Variants in EVA1C observed in about 807,000 individuals in gnomAD.
EVA1C encodes eva-1 homolog C.
In EVA1C, 25 loss-of-function variants were observed where a neutral mutation model predicts 45.4. The ratio of observed to expected loss-of-function variants is 0.55; its 90% CI spans 0.40 to 0.77. The LOEUF (loss-of-function observed/expected upper bound fraction) is 0.77. EVA1C is among the 30% of genes least tolerant of loss of function. EVA1C has a pLI of 0.00. For missense variants in EVA1C, 479 were observed against 554.8 expected (o/e 0.86, Z 1.37); for synonymous variants, 190 against 221.2 (o/e 0.86, Z 1.25).
rs751284663 is a variant in EVA1C at position 32,457,635 on chromosome 21, C to T, written c.396C>T (p.His132=). The T allele has an allele frequency of 1.9e-6, 3 of 1,614,200 alleles. No individual in the cohort carries two copies. The highest frequency in any genetic ancestry group is 2.5e-6 in the Non-Finnish European group (3 of 1,180,016). Residue 132 remains histidine (H), a synonymous_variant, in exon 3 of 8, where the codon CAC becomes CAT. Coordinates refer to ENST00000300255, the MANE Select transcript of EVA1C (RefSeq NM_058187.5). ...AATGCCAGAACCAGCGGGCCTGCCA[C>T]CTCCTGGTCAATAGCCGTGTTTTTG... ...LDECQNQRAC[H]LLVNSRVFGP...
At chr21:32,495,265 C>G (rs2037312912) in intron 5 of EVA1C, 95 bp downstream of exon 5, 3 of 1,287,430 alleles carry the variant, frequency 2.3e-6, no homozygotes, top group East Asian at 4.8e-5. Flanking sequence ...CCAGAACAAG[C>G]CAAACACTGC....
chr21:32,460,201 C>T (rs1027936510), intron 3 of EVA1C, among the ~76,000 whole-genome samples: 1 of 152,128 alleles, frequency 6.6e-6, no homozygotes, highest in South Asian at 2.1e-4. Flanking sequence ...TGTCCACACC[C>T]CCTCCAGGGT....
At chr21:32,463,853 G>A (rs2036086442) in intron 3 of EVA1C, among the ~76,000 whole-genome samples, 1 of 151,878 alleles carries the variant, frequency 6.6e-6, no homozygotes, top group African/African-American at 2.4e-5. Context: ...TTTTTGTCCT[G>A]CCTTCTCCCA....
intron 1 of EVA1C, among the ~76,000 whole-genome samples, chr21:32,440,205 A>G (rs1250038819): frequency 6.6e-6 from 1 of 152,218 alleles, no homozygotes; most frequent in African/African-American, 2.4e-5. Context: ...TATAGATTTC[A>G]TATCTGAGTT....
chr21:32,486,509 G>A (rs2036977822), intron 4 of EVA1C, among the ~76,000 whole-genome samples: 1 of 152,044 alleles, frequency 6.6e-6, no homozygotes, highest in African/African-American at 2.4e-5. Flanking sequence ...GCCCCTGTGA[G>A]GTATTTCTGA....
chr21:32,508,853 C>A (rs1191412712), intron 7 of EVA1C, among the ~76,000 whole-genome samples: 1 of 152,192 alleles, frequency 6.6e-6, no homozygotes, highest in African/African-American at 2.4e-5. Flanking sequence ...GCCATAGGTC[C>A]CCCTTCAGAG....
intron 6 of EVA1C, 105 bp from the exon 7 acceptor site, chr21:32,503,819 CTT>C (rs1228956994): frequency 4.3e-6 from 3 of 692,832 alleles, no homozygotes; most frequent in African/African-American, 1.8e-5. Context: ...ATTTCTGTGA[CTT>C]TTAATTATTC....
At chr21:32,418,999 T>A (rs552811983) in intron 1 of EVA1C, among the ~76,000 whole-genome samples, 5 of 152,350 alleles carry the variant, frequency 3.3e-5, no homozygotes, top group African/African-American at 1.2e-4. Flanking sequence ...AAGTTTTGCT[T>A]ATAATTAACA....
rs963297292 is a variant in EVA1C, at chr21:32,442,239, T to C, written c.161-11073T>C. ...ACTTAAGAGTTGTCATAGCTATCCT[T>C]GGTCATCCCTAACTTGGGAGCCTCC... is the stretch of plus-strand genomic sequence containing the variant. On this transcript the variant is annotated intron_variant, in intron 1 of 7. Transcript: ENST00000300255. Among the ~76,000 whole-genome samples, 6 of 152,338 alleles carry C rather than the reference T, an allele frequency of 3.9e-5. No homozygotes were observed. In the East Asian group the frequency reaches 1.2e-3, roughly 29 times the overall value.
At chr21:32,507,571 CAT>C (rs1359125247) in intron 7 of EVA1C, among the ~76,000 whole-genome samples, 1 of 144,490 alleles carries the variant, frequency 6.9e-6, no homozygotes, top group Non-Finnish European at 1.5e-5. Flanking sequence ...TTTGTGTGTG[CAT>C]GTGTATATGT....
chr21:32,497,168 A>G, intron 5 of EVA1C: 2 of 796,818 alleles, frequency 2.5e-6, no homozygotes, highest in South Asian at 2.7e-5. Flanking sequence ...CTATCCACTG[A>G]AGATAGTATT....
chr21:32,491,942 G>A (rs1008196575), intron 4 of EVA1C, among the ~76,000 whole-genome samples: 14 of 152,160 alleles, frequency 9.2e-5, no homozygotes, highest in Non-Finnish European at 1.5e-4. Flanking sequence ...TCCTGGCCTC[G>A]GCTCTCAGTG....
intron 1 of EVA1C, among the ~76,000 whole-genome samples, chr21:32,446,700 G>A (rs780698171): frequency 6.6e-6 from 1 of 152,090 alleles, no homozygotes; most frequent in Non-Finnish European, 1.5e-5. Flanking sequence ...TTGGCAGCTG[G>A]CTCCTGCTCC....
chr21:32,455,235 C>T (rs914828904), intron 2 of EVA1C, among the ~76,000 whole-genome samples: 2 of 151,830 alleles, frequency 1.3e-5, no homozygotes, highest in Non-Finnish European at 2.9e-5. Flanking sequence ...ATGGAAGGGG[C>T]AAGAGAAGGA....
chr21:32,482,246 A>G (rs373882193), intron 4 of EVA1C, among the ~76,000 whole-genome samples: 30 of 152,328 alleles, frequency 2.0e-4, no homozygotes, highest in African/African-American at 7.2e-4. Context: ...GATTTTTCAC[A>G]CAAGCTTAGA....
intron 1 of EVA1C, among the ~76,000 whole-genome samples, chr21:32,449,130 T>C (rs1568894531): frequency 2.0e-5 from 3 of 152,048 alleles, no homozygotes; most frequent in African/African-American, 7.2e-5. Context: ...GCCACACACA[T>C]ACACACACAC....
chr21:32,427,915 T>A (rs2034554372), intron 1 of EVA1C, among the ~76,000 whole-genome samples: 1 of 151,876 alleles, frequency 6.6e-6, no homozygotes, highest in Admixed American at 6.6e-5. Context: ...GTTTCTCTTT[T>A]CCTAGTTGTT....
intron 1 of EVA1C, among the ~76,000 whole-genome samples, chr21:32,450,670 AG>A (rs2035547962): frequency 6.6e-6 from 1 of 151,994 alleles, no homozygotes; most frequent in South Asian, 2.1e-4. Flanking sequence ...GGCTCATGAC[AG>A]GGTGCTGAGA....
chr21:32,489,836 T>C (rs2037095542), intron 4 of EVA1C, among the ~76,000 whole-genome samples: 1 of 152,202 alleles, frequency 6.6e-6, no homozygotes, highest in Non-Finnish European at 1.5e-5. Context: ...AATTTATTCC[T>C]AGGTAATTTT....
Sources: allele counts gnomAD v4.1 joint callset (sites outside exome capture counted in the v4.1 genomes callset), GRCh38; gene constraint gnomAD v4.1.1; transcripts MANE v1.5; gene names NCBI Gene and HGNC (gene_info 2026-07-23, HGNC 2026-07-21).